Variants in KCNIP3 observed in about 807,000 individuals in gnomAD.
The protein encoded by KCNIP3 is potassium voltage-gated channel interacting protein 3.
A neutral mutation model predicts 35.0 loss-of-function variants in KCNIP3; 28 were observed. The observed-to-expected ratio is 0.80, with a 90% CI of 0.59 to 1.10. The LOEUF (loss-of-function observed/expected upper bound fraction) is 1.10. Among genes scored for constraint, KCNIP3 ranks in the 50% least tolerant of loss-of-function variants. The pLI is 0.00. For synonymous variants in KCNIP3, 134 were observed against 133.8 expected (o/e 1.00, Z -0.01); for missense variants, 295 against 338.4 (o/e 0.87, Z 1.01).
chr2:95,357,703 A>G (rs892399317), intron 2 of KCNIP3, among the ~76,000 whole-genome samples: 2 of 152,206 alleles, frequency 1.3e-5, no homozygotes, highest in Admixed American at 1.3e-4. Context: ...CCCATCATTA[A>G]ATTAAATTAG....
intron 2 of KCNIP3, among the ~76,000 whole-genome samples, chr2:95,351,335 C>T (rs1160834624): frequency 6.6e-6 from 1 of 152,226 alleles, no homozygotes; most frequent in Non-Finnish European, 1.5e-5. Flanking sequence ...GGGTGCGAGG[C>T]ACCAGGGGAA....
At chr2:95,322,595 A>G (rs1414638978) in intron 2 of KCNIP3, among the ~76,000 whole-genome samples, 1 of 152,176 alleles carries the variant, frequency 6.6e-6, no homozygotes, top group Admixed American at 6.5e-5. Context: ...CCCTGGCCAC[A>G]AGGGCAGGGC....
Position 95,367,299 on chromosome 2 carries a change from T to TA in KCNIP3, c.182-6990dup, listed in dbSNP as rs1160183063. Reference sequence around the variant, plus strand: ...AAAAAATAATAAAATAAAATAAAAATAAAAAAACCAATATCTTTATTCTTC... The same window carrying TA: ...AAAAAATAATAAAATAAAATAAAAATAAAAAAAACCAATATCTTTATTCTTC... On this transcript the variant is annotated intron_variant, in intron 2 of 8. Coordinates refer to ENST00000295225, the MANE Select transcript of KCNIP3 (RefSeq NM_013434.5). Among the ~76,000 whole-genome samples the TA allele has an allele frequency of 3.9e-5, 6 of 151,954 alleles. No homozygotes were observed. In the South Asian group the frequency reaches 8.3e-4, roughly 21 times the overall value.
At chr2:95,368,676 C>T (rs1573516500) in intron 2 of KCNIP3, 1 of 290,792 alleles carries the variant, frequency 3.4e-6, no homozygotes, top group Non-Finnish European at 7.2e-6. Context: ...TGTACAGTGT[C>T]TGTCATCAGC....
chr2:95,350,729 T>C (rs1679494848), intron 2 of KCNIP3, among the ~76,000 whole-genome samples: 1 of 152,136 alleles, frequency 6.6e-6, no homozygotes, highest in African/African-American at 2.4e-5. Context: ...CAGTGGGCTC[T>C]TTACCCAGCT....
Position 95,384,414 on chromosome 2 carries a change from A to C in KCNIP3, c.*365A>C. 1 of 303,280 alleles carries C rather than the reference A, an allele frequency of 3.3e-6. No individual in the cohort carries two copies. Among genetic ancestry groups the C allele is most frequent in the Non-Finnish European group, 6.2e-6 (1 of 160,364 alleles). 18.8% of individuals were successfully genotyped at this position (303,280 alleles called of 1,614,324 possible). The stretch of plus-strand genomic sequence containing the variant: ...GAGTGCCCCTGCAGGGGAGGGTCCA[A>C]TCTCCGGTGTGAGCCCACCTCGTCC... On this transcript the variant is annotated 3_prime_UTR_variant, in exon 9 of 9. Transcript: ENST00000295225.
Position 95,328,536 on chromosome 2 carries a change from G to A in KCNIP3, c.181+18016G>A, listed in dbSNP as rs561982499. Among the ~76,000 whole-genome samples, 9 of 152,356 alleles carry A rather than the reference G, an allele frequency of 5.9e-5. No individual in the cohort carries two copies. In the East Asian group the frequency reaches 1.2e-3, roughly 20 times the overall value. On this transcript the variant is annotated intron_variant, in intron 2 of 8. Transcript: ENST00000295225. ...TGAATCTGGGGAGGGTGGGCTGGACGCCGCTGCGTGCCTGCTTAGGTGCGT... is the reference window on the plus strand; with the variant it reads ...TGAATCTGGGGAGGGTGGGCTGGACACCGCTGCGTGCCTGCTTAGGTGCGT...
At chr2:95,343,008 G>A (rs899224565) in intron 2 of KCNIP3, among the ~76,000 whole-genome samples, 1 of 152,154 alleles carries the variant, frequency 6.6e-6, no homozygotes, top group African/African-American at 2.4e-5. Flanking sequence ...TGATCATGCT[G>A]GTTGCTGAAC....
At chr2:95,311,308 C>T (rs1017181088) in intron 2 of KCNIP3, 1 of 152,698 alleles carries the variant, frequency 6.5e-6, no homozygotes, top group African/African-American at 2.4e-5. Context: ...CACATACACA[C>T]ACCACATGCA....
At chr2:95,358,591 T>C (rs1415537091) in intron 2 of KCNIP3, among the ~76,000 whole-genome samples, 1 of 152,220 alleles carries the variant, frequency 6.6e-6, no homozygotes, top group Admixed American at 6.5e-5. Context: ...TGGGTAATTC[T>C]ATTGTACAGA....
Position 95,376,623 on chromosome 2 carries a change from C to T in KCNIP3, c.447+1415C>T, listed in dbSNP as rs1028881740. Among the ~76,000 whole-genome samples the T allele has an allele frequency of 4.6e-5, 7 of 152,260 alleles. No homozygotes were observed. Among genetic ancestry groups the T allele is most frequent in the Non-Finnish European group, 5.9e-5 (4 of 68,040 alleles). The stretch of plus-strand genomic sequence containing the variant: ...TTCTCTGCACGTGAAACGAAGTCCT[C>T]TGGCTTCACGCAGGTACATTTACCT... On this transcript the variant is annotated intron_variant, in intron 5 of 8. Transcript: ENST00000295225. This position sits in a 1 kb window ranked among gnomAD's most constrained non-coding sequence, Gnocchi z 4.2.
chr2:95,318,353 C>A (rs1345996398), intron 2 of KCNIP3, among the ~76,000 whole-genome samples: 1 of 152,170 alleles, frequency 6.6e-6, no homozygotes, highest in African/African-American at 2.4e-5. Flanking sequence ...TGGAAACCCT[C>A]TCCTCTTCCA....
At chr2:95,327,111 C>A (rs1678814436) in intron 2 of KCNIP3, among the ~76,000 whole-genome samples, 1 of 152,234 alleles carries the variant, frequency 6.6e-6, no homozygotes, top group Admixed American at 6.5e-5. Context: ...GCCACGTCTA[C>A]GGAACAAGGA....
chr2:95,339,866 G>C (rs1679149874), intron 2 of KCNIP3, among the ~76,000 whole-genome samples: 1 of 152,176 alleles, frequency 6.6e-6, no homozygotes, highest in Non-Finnish European at 1.5e-5. Context: ...GTTCTAGATT[G>C]GTGGGAGGCT....
At chr2:95,372,708 G>A (rs1279289284) in intron 2 of KCNIP3, among the ~76,000 whole-genome samples, 1 of 152,204 alleles carries the variant, frequency 6.6e-6, no homozygotes, top group East Asian at 1.9e-4. Flanking sequence ...TAGGTGTGGG[G>A]TGAGGGCTTG....
intron 1 of KCNIP3, among the ~76,000 whole-genome samples, chr2:95,297,824 T>C (rs1390598438): frequency 6.6e-6 from 1 of 151,946 alleles, no homozygotes; most frequent in African/African-American, 2.4e-5. Context: ...CTGGGTCAGG[T>C]GCCAGCGTGG....
In KCNIP3 at chr2:95,327,362, C is replaced by T. The variant is rs114619410; in HGVS notation, c.181+16842C>T. Reference sequence around the variant, plus strand: ...CTGCTTTTTAAGAACCCTGGATGTGCACTCACACACATTCACACACACGCA... The same window carrying T: ...CTGCTTTTTAAGAACCCTGGATGTGTACTCACACACATTCACACACACGCA... On this transcript the variant is annotated intron_variant, in intron 2 of 8. Coordinates refer to ENST00000295225, the MANE Select transcript of KCNIP3 (RefSeq NM_013434.5). Among the ~76,000 whole-genome samples the T allele has an allele frequency of 4.8e-3, 724 of 152,258 alleles. 6 individuals are homozygous for T. The highest frequency in any genetic ancestry group is 0.016 in the African/African-American group (678 of 41,544).
At chr2:95,380,896 C>G (rs1456640402) in intron 5 of KCNIP3, among the ~76,000 whole-genome samples, 1 of 152,104 alleles carries the variant, frequency 6.6e-6, no homozygotes, top group Non-Finnish European at 1.5e-5. Flanking sequence ...CCGAGTGGTC[C>G]CAGCTACTCA....
At chr2:95,374,599 C>T (rs1346506208) in intron 3 of KCNIP3, among the ~76,000 whole-genome samples, 179 bp downstream of exon 3, 1 of 152,182 alleles carries the variant, frequency 6.6e-6, no homozygotes, top group Non-Finnish European at 1.5e-5. Flanking sequence ...CATGCTCCTC[C>T]CTCCGTGTCT....
Sources: gnomAD v4.1 joint callset for allele counts (sites outside exome capture counted in the v4.1 genomes callset) on GRCh38, gnomAD v4.1.1 for gene constraint, Gnocchi (gnomAD v3.1) non-coding constraint, MANE v1.5 for transcripts, NCBI Gene and HGNC (gene_info 2026-07-23, HGNC 2026-07-21) for gene names.